The following CYP27C1 variants were observed in gnomAD, a reference collection of about 807,000 sequenced individuals.
The protein encoded by CYP27C1 is cytochrome P450 family 27 subfamily C member 1, also known as cytochrome P450 27C1.
Under a neutral mutation model 40.6 loss-of-function variants are expected in CYP27C1, and 29 were observed. That is an observed-to-expected ratio of 0.71 (90% CI 0.53 to 0.97). CYP27C1 has a LOEUF of 0.97. Among genes scored for constraint, CYP27C1 ranks in the 50% least tolerant of loss-of-function variants. CYP27C1 has a pLI of 0.00. For synonymous variants in CYP27C1, 198 were observed against 186.8 expected (o/e 1.06, Z -0.49); for missense variants, 390 against 485.8 (o/e 0.80, Z 1.85).
In CYP27C1 at chr2:127,199,502, C is replaced by T. The variant is rs756795566; in HGVS notation, c.921G>A (p.Gln307=). 4 of 1,614,032 alleles carry T rather than the reference C, an allele frequency of 2.5e-6. No homozygotes were observed. In the South Asian group the frequency reaches 3.3e-5, roughly 13 times the overall value. The change falls in exon 5 of 9, where the codon CAG becomes CAA. Residue 307 remains glutamine (Q), a synonymous_variant. Transcript: ENST00000664447. The part of the protein sequence containing the change: ...IHVDNKLRDI[Q]YQMDRGRRVS... The stretch of plus-strand genomic sequence containing the variant: ...CCCTCCGGCCTCGGTCCATTTGGTA[C>T]TGTATGTCCCTCAACTTGTTGTCAA...
intron 1 of CYP27C1, among the ~76,000 whole-genome samples, chr2:127,207,239 A>G (rs1683246849): frequency 6.6e-6 from 1 of 152,070 alleles, no homozygotes; most frequent in African/African-American, 2.4e-5. Context: ...TCATGCCTGT[A>G]CTCTCTGCAC....
intron 8 of CYP27C1, among the ~76,000 whole-genome samples, chr2:127,192,429 T>C (rs974043119): frequency 2.8e-4 from 43 of 152,218 alleles, no homozygotes; most frequent in African/African-American, 9.4e-4. Flanking sequence ...GTTATTTAGT[T>C]CCTGCTATAG....
chr2:127,203,854 T>G (rs1683096702), intron 2 of CYP27C1, among the ~76,000 whole-genome samples: 3 of 152,018 alleles, frequency 2.0e-5, no homozygotes. Flanking sequence ...CGACTTCCTT[T>G]AAAAAATCTT....
intron 3 of CYP27C1, 131 bp downstream of exon 3, chr2:127,203,241 G>A: frequency 1.0e-6 from 1 of 970,138 alleles, no homozygotes; most frequent in Non-Finnish European, 1.5e-6. Context: ...TTAGCACCGT[G>A]GAGGTGACAT....
chr2:127,201,905 A>G lies in CYP27C1; in HGVS notation c.674-574T>C, dbSNP rs1683043517. Among the ~76,000 whole-genome samples the G allele has an allele frequency of 6.6e-6, 1 of 152,196 alleles. No individual in the cohort carries two copies. Among genetic ancestry groups the G allele is most frequent in the Non-Finnish European group, 1.5e-5 (1 of 68,028 alleles). On this transcript the variant is annotated intron_variant, in intron 3 of 8. Coordinates refer to ENST00000664447, the MANE Select transcript of CYP27C1 (RefSeq NM_001367502.1). The surrounding 1 kb of genome is among the most constrained non-coding windows in gnomAD (Gnocchi z 6.0). ...AGGCGCAGCAGAAGTGGCCTGGATG[A>G]ATCCGTGTCGGGCAGAGCTGTGAAC...
intron 5 of CYP27C1, among the ~76,000 whole-genome samples, chr2:127,198,184 G>GACACACAC (rs1205361557): frequency 0.011 from 637 of 56,214 alleles, 7 homozygotes; most frequent in African/African-American, 0.039. Flanking sequence ...GGAATTTGTT[G>GACACACAC]ATACACACAC....
At chr2:127,192,322 T>G (rs74664218) in intron 8 of CYP27C1, among the ~76,000 whole-genome samples, 4,663 of 152,294 alleles carry the variant, frequency 0.031, 246 homozygotes, top group African/African-American at 0.11. Context: ...GGCCAAGGTT[T>G]CCCGTCGCTG....
chr2:127,193,327 A>AT, intron 7 of CYP27C1, 30 bp from the exon 8 acceptor site: 1 of 1,612,362 alleles, frequency 6.2e-7, no homozygotes, highest in East Asian at 2.2e-5. Flanking sequence ...CAGAAAAGGG[A>AT]AAAGGGGCAG....
intron 1 of CYP27C1, among the ~76,000 whole-genome samples, chr2:127,211,721 T>C (rs561198810): frequency 6.6e-6 from 1 of 152,004 alleles, no homozygotes; most frequent in Non-Finnish European, 1.5e-5. Flanking sequence ...TAGCACTAAA[T>C]GCCCAAATCA....
rs1682613306 is a variant in CYP27C1 at position 127,185,836 on chromosome 2, C to T, written c.*1435G>A. 1 of 152,150 alleles carries T rather than the reference C, an allele frequency of 6.6e-6. No homozygotes were observed. The highest frequency in any genetic ancestry group is 2.1e-4 in the South Asian group (1 of 4,828). 9.4% of individuals were successfully genotyped at this position (152,150 alleles called of 1,614,324 possible). A position where few individuals can be genotyped will look rare whatever the true frequency, so the allele number is the denominator to read the frequency against. ...GAATAAGCTGTTTCAGGCATGATGA[C>T]AAGGCAAGAGCATCAGGAAATCACG... On this transcript the variant is annotated 3_prime_UTR_variant, in exon 9 of 9. Transcript: ENST00000664447. This position sits in a 1 kb window ranked among gnomAD's most constrained non-coding sequence, Gnocchi z 4.9.
At chr2:127,202,090 T>C (rs1683047304) in intron 3 of CYP27C1, among the ~76,000 whole-genome samples, 1 of 151,980 alleles carries the variant, frequency 6.6e-6, no homozygotes, top group Admixed American at 6.6e-5. Context: ...TTCTATTTTT[T>C]TTTTTTTACA....
In CYP27C1 at chr2:127,201,285, G is replaced by A; in HGVS notation, c.720C>T (p.Asn240=). 2 of 1,596,314 alleles carry A rather than the reference G, an allele frequency of 1.3e-6. No individual in the cohort carries two copies. The highest frequency in any genetic ancestry group is 1.7e-6 in the Non-Finnish European group (2 of 1,170,712). Residue 240 remains asparagine, a synonymous_variant, in exon 4 of 9, where the codon AAC becomes AAT. Coordinates refer to ENST00000664447, the MANE Select transcript of CYP27C1 (RefSeq NM_001367502.1). The surrounding 1 kb of genome is among the most constrained non-coding windows in gnomAD (Gnocchi z 6.0). The stretch of plus-strand genomic sequence containing the variant: ...ATTCCACAGTCAGCTGTGGGATGCT[G>A]TTTTCCAGGCAGCCCAAACGACTCT... ...LYESRLGCLE[N]SIPQLTVEYI... is the part of the protein sequence containing the mutation.
rs1682557457 is a variant in CYP27C1, at chr2:127,183,888, G to C, written c.*3383C>G. On this transcript the variant is annotated 3_prime_UTR_variant, in exon 9 of 9. Transcript: ENST00000664447. This position sits in a 1 kb window ranked among gnomAD's most constrained non-coding sequence, Gnocchi z 5.1. ...AATGTTCACACGTACACAAAGTAGAGAGCATAATGTCATGAGCCCCCACTC... is the reference window on the plus strand; with the variant it reads ...AATGTTCACACGTACACAAAGTAGACAGCATAATGTCATGAGCCCCCACTC... Among the ~76,000 whole-genome samples, 1 of 152,146 alleles carries C rather than the reference G, an allele frequency of 6.6e-6. No individual in the cohort carries two copies. The highest frequency in any genetic ancestry group is 2.4e-5 in the African/African-American group (1 of 41,432).
At chr2:127,214,781 T>G (rs1169519728) in intron 1 of CYP27C1, among the ~76,000 whole-genome samples, 2 of 135,042 alleles carry the variant, frequency 1.5e-5, no homozygotes, top group Admixed American at 7.3e-5. Context: ...ATCCGTTTTT[T>G]GTTTTTTTTT....
chr2:127,188,019 G>C (rs534248008), intron 8 of CYP27C1, among the ~76,000 whole-genome samples: 2 of 152,224 alleles, frequency 1.3e-5, no homozygotes, highest in African/African-American at 2.4e-5. Context: ...TATCTCCCCC[G>C]GCGGCCGGCT....
rs976970198 is a variant in CYP27C1 at position 127,208,491 on chromosome 2, T to C, written c.283-2401A>G. 5.9e-5 allele frequency among the ~76,000 whole-genome samples: 9 copies of C among 152,208 alleles called. No homozygotes were observed. Among genetic ancestry groups the C allele is most frequent in the African/African-American group, 2.2e-4 (9 of 41,466 alleles). ...AATCTGTTTAAGCCTACTGAACTCC[T>C]GAGGGGATGGGCGACCAGCACCAGC... On this transcript the variant is annotated intron_variant, in intron 1 of 8. Coordinates refer to ENST00000664447, the MANE Select transcript of CYP27C1 (RefSeq NM_001367502.1). The surrounding 1 kb of genome is among the most constrained non-coding windows in gnomAD (Gnocchi z 5.2).
chr2:127,208,504 G>A lies in CYP27C1; in HGVS notation c.283-2414C>T, dbSNP rs1042630428. Among the ~76,000 whole-genome samples the A allele has an allele frequency of 6.6e-5, 10 of 152,190 alleles. No homozygotes were observed. The highest frequency in any genetic ancestry group is 2.2e-4 in the African/African-American group (9 of 41,444). ...CTACTGAACTCCTGAGGGGATGGGCGACCAGCACCAGCTGCGGCTGCCTGC... is the reference window on the plus strand; with the variant it reads ...CTACTGAACTCCTGAGGGGATGGGCAACCAGCACCAGCTGCGGCTGCCTGC... On this transcript the variant is annotated intron_variant, in intron 1 of 8. Transcript: ENST00000664447. The surrounding 1 kb of genome is among the most constrained non-coding windows in gnomAD (Gnocchi z 5.2).
intron 3 of CYP27C1, among the ~76,000 whole-genome samples, chr2:127,202,605 A>G (rs976164589): frequency 6.6e-6 from 1 of 152,188 alleles, no homozygotes; most frequent in Non-Finnish European, 1.5e-5. Flanking sequence ...AAAGAGGGAG[A>G]CCTTCACTGA....
At position 127,211,369 on chromosome 2, in the gene CYP27C1, G is replaced by GT. The variant is rs371826841; in HGVS notation, c.283-5280dup. On this transcript the variant is annotated intron_variant, in intron 1 of 8. Coordinates refer to ENST00000664447, the MANE Select transcript of CYP27C1 (RefSeq NM_001367502.1). ...GATACAGCTAAAGCAGTGTTTTTTT[G>GT]TTTTTTTTTTTTTTTTTTTTTTTTT... Among the ~76,000 whole-genome samples, 512 of 94,898 alleles carry GT rather than the reference G, an allele frequency of 5.4e-3. 30 individuals are homozygous for GT. Among genetic ancestry groups the GT allele is most frequent in the African/African-American group, 0.014 (337 of 23,260 alleles). The allele number at this position is 94,898 out of a possible 152,430, so 62.3% of individuals were successfully genotyped here.
Sources: allele counts gnomAD v4.1 joint callset (sites outside exome capture counted in the v4.1 genomes callset), GRCh38; gene constraint gnomAD v4.1.1; non-coding constraint Gnocchi (gnomAD v3.1); transcripts MANE v1.5; gene names NCBI Gene and HGNC (gene_info 2026-07-23, HGNC 2026-07-21).